The following SLC24A3 variants were observed in gnomAD, a reference collection of about 807,000 sequenced individuals.
SLC24A3 encodes solute carrier family 24 member 3, also known as sodium/potassium/calcium exchanger 3.
In SLC24A3, 28 loss-of-function variants were observed where a neutral mutation model predicts 75.8. The ratio of observed to expected loss-of-function variants is 0.37; its 90% confidence interval spans 0.27 to 0.51. The LOEUF (loss-of-function observed/expected upper bound fraction) is 0.51. Among genes scored for constraint, SLC24A3 ranks in the 20% least tolerant of loss-of-function variants. The probability of loss-of-function intolerance (pLI) is 0.94; values close to 1 mark genes in which losing one functional copy is unlikely to be tolerated. For missense variants in SLC24A3, 663 were observed against 847.8 expected, an observed-to-expected ratio of 0.78 and a Z score of 2.71; for synonymous variants, 372 against 334.1, an observed-to-expected ratio of 1.11 and a Z score of -1.24.
At chr20:19,342,570 GT>G (rs1985294133) in intron 2 of SLC24A3, among the ~76,000 whole-genome samples, 1 of 152,208 alleles carries the variant, frequency 6.6e-6, no homozygotes, top group East Asian at 1.9e-4. Context: ...TATGACAACT[GT>G]TTTAGGTGCA....
chr20:19,591,121 T>C (rs577177846), intron 6 of SLC24A3, among the ~76,000 whole-genome samples: 1 of 152,120 alleles, frequency 6.6e-6, no homozygotes, highest in Non-Finnish European at 1.5e-5. Context: ...AGGCCCAGAG[T>C]TCTGCTAAGG....
chr20:19,693,169 A>G (rs1401486648), intron 12 of SLC24A3, 90 bp from the exon 13 acceptor site: 2 of 1,376,058 alleles, frequency 1.5e-6, no homozygotes, highest in South Asian at 1.5e-5. Context: ...GGAAAGCAGT[A>G]CAGACACTTG....
chr20:19,494,019 G>A (rs778008580), intron 2 of SLC24A3, among the ~76,000 whole-genome samples: 15 of 152,160 alleles, frequency 9.9e-5, no homozygotes, highest in Non-Finnish European at 1.9e-4. Flanking sequence ...TGCTCCTTCC[G>A]GGCGGCTCCC....
rs368869218 is a variant in SLC24A3, at chr20:19,613,216, A to C, written c.612+27672A>C. ...GAACATGCTGTATAATTTAAAATCTATTTGTGTATTATAAAACTTCCTCCA... is the reference window on the plus strand; with the variant it reads ...GAACATGCTGTATAATTTAAAATCTCTTTGTGTATTATAAAACTTCCTCCA... On this transcript the variant is annotated intron_variant, in intron 6 of 16. Coordinates refer to ENST00000328041, the MANE Select transcript of SLC24A3 (RefSeq NM_020689.4). Among the ~76,000 whole-genome samples the C allele has an allele frequency of 7.9e-5, 12 of 152,310 alleles. 1 individual carries two copies. The South Asian group carries it at 2.5e-3, about 32-fold the overall frequency.
intron 3 of SLC24A3, among the ~76,000 whole-genome samples, chr20:19,534,861 A>C (rs1464816547): frequency 6.6e-6 from 1 of 152,252 alleles, no homozygotes; most frequent in Non-Finnish European, 1.5e-5. Context: ...TTCTCAGGAC[A>C]CTAGTGAAAG....
intron 12 of SLC24A3, among the ~76,000 whole-genome samples, chr20:19,692,580 G>A (rs1424113796): frequency 2.0e-5 from 3 of 152,222 alleles, no homozygotes; most frequent in Non-Finnish European, 4.4e-5. Context: ...TGGTGGTAGA[G>A]GGTGAGGGTT....
At position 19,575,059 on chromosome 20, in the gene SLC24A3, G is replaced by A. The variant is rs529085007; in HGVS notation, c.349-4941G>A. Among the ~76,000 whole-genome samples, 7 of 151,948 alleles carry A rather than the reference G, an allele frequency of 4.6e-5. No homozygotes were observed. In the East Asian group the frequency reaches 1.2e-3, roughly 25 times the overall value. ...GAGCTCAGGAGTTTGAGACCAGCCTGGGCAACATGGTGAAACTCTGACTCT... is the reference window on the plus strand; with the variant it reads ...GAGCTCAGGAGTTTGAGACCAGCCTAGGCAACATGGTGAAACTCTGACTCT... On this transcript the variant is annotated intron_variant, in intron 3 of 16. Coordinates refer to ENST00000328041, the MANE Select transcript of SLC24A3 (RefSeq NM_020689.4).
chr20:19,463,466 A>G (rs1237727829), intron 2 of SLC24A3, among the ~76,000 whole-genome samples: 4 of 152,242 alleles, frequency 2.6e-5, no homozygotes, highest in Admixed American at 2.6e-4. Context: ...ATTCGCAAGT[A>G]TCAAGGCACA....
At chr20:19,241,523 C>T (rs907781962) in intron 1 of SLC24A3, among the ~76,000 whole-genome samples, 1 of 152,218 alleles carries the variant, frequency 6.6e-6, no homozygotes, top group African/African-American at 2.4e-5. Context: ...CACCCAGTCT[C>T]GCTTTGGCCG....
At chr20:19,674,539 A>C (rs2032502590) in intron 9 of SLC24A3, among the ~76,000 whole-genome samples, 1 of 152,174 alleles carries the variant, frequency 6.6e-6, no homozygotes, top group Admixed American at 6.5e-5. Context: ...GACAGAGAGC[A>C]AGAAGGGCCC....
intron 2 of SLC24A3, among the ~76,000 whole-genome samples, chr20:19,481,814 T>TC (rs1335948342): frequency 2.0e-5 from 3 of 152,096 alleles, no homozygotes; most frequent in Non-Finnish European, 4.4e-5. Flanking sequence ...TGCAAGGATT[T>TC]CCCCTCTTTG....
At chr20:19,523,554 C>A (rs2030142839) in intron 3 of SLC24A3, among the ~76,000 whole-genome samples, 1 of 152,206 alleles carries the variant, frequency 6.6e-6, no homozygotes, top group South Asian at 2.1e-4. Context: ...AATCATTCAG[C>A]CCCACAGGCC....
At chr20:19,433,726 C>G (rs910055691) in intron 2 of SLC24A3, among the ~76,000 whole-genome samples, 1 of 152,206 alleles carries the variant, frequency 6.6e-6, no homozygotes, top group African/African-American at 2.4e-5. Flanking sequence ...GTAGCAATAG[C>G]AAGCAATTTC....
intron 2 of SLC24A3, among the ~76,000 whole-genome samples, chr20:19,411,807 C>T (rs1986748192): frequency 6.6e-6 from 1 of 152,192 alleles, no homozygotes; most frequent in South Asian, 2.1e-4. Flanking sequence ...TACATTATAA[C>T]TTTGGGCATG....
chr20:19,348,791 T>C (rs1015521656), intron 2 of SLC24A3, among the ~76,000 whole-genome samples: 1 of 152,164 alleles, frequency 6.6e-6, no homozygotes, highest in Non-Finnish European at 1.5e-5. Context: ...TTGCTGTTTA[T>C]TGAGTAAGCT....
At chr20:19,401,829 A>G (rs1986556772) in intron 2 of SLC24A3, among the ~76,000 whole-genome samples, 1 of 152,230 alleles carries the variant, frequency 6.6e-6, no homozygotes, top group Admixed American at 6.5e-5. Context: ...TTCCTTCCTC[A>G]GGAGCACATG....
chr20:19,513,231 A>T (rs575933991), intron 2 of SLC24A3, among the ~76,000 whole-genome samples: 1 of 152,344 alleles, frequency 6.6e-6, no homozygotes, highest in African/African-American at 2.4e-5. Flanking sequence ...GGAATTGCAG[A>T]TCCATGCAGT....
chr20:19,656,914 T>C (rs981563644), intron 7 of SLC24A3, among the ~76,000 whole-genome samples: 2 of 152,262 alleles, frequency 1.3e-5, no homozygotes, highest in Non-Finnish European at 2.9e-5. Context: ...GTAATTGTTG[T>C]TAATGACGTG....
intron 2 of SLC24A3, among the ~76,000 whole-genome samples, chr20:19,434,354 G>A (rs987083807): frequency 2.0e-5 from 3 of 152,184 alleles, no homozygotes; most frequent in African/African-American, 7.2e-5. Flanking sequence ...GCTGAACAAG[G>A]TGCGAGAGAA....
Sources: gnomAD v4.1 joint callset for allele counts (sites outside exome capture counted in the v4.1 genomes callset) on GRCh38, gnomAD v4.1.1 for gene constraint, MANE v1.5 for transcripts, NCBI Gene and HGNC (gene_info 2026-07-23, HGNC 2026-07-21) for gene names.